Variants in TJP2 observed in about 807,000 individuals in gnomAD.
TJP2 encodes the protein tight junction protein 2, also known as Friedreich ataxia region gene X104 (tight junction protein ZO-2).
TJP2 carries 91 observed loss-of-function variants against 133.1 expected under a neutral mutation model. The observed-to-expected ratio is 0.68, with a 90% CI of 0.58 to 0.81. The LOEUF is 0.81. Among genes scored for constraint, TJP2 ranks in the 40% least tolerant of loss-of-function variants. The pLI is 0.00. For synonymous variants in TJP2, 592 were observed against 583.4 expected, an observed-to-expected ratio of 1.01 and a Z score of -0.21; for missense variants, 1,541 against 1,565.6, an observed-to-expected ratio of 0.98 and a Z score of 0.26.
chr9:69,226,030 G>T lies in TJP2; in HGVS notation c.1065G>T (p.Gly355=). Residue 355 remains glycine (G), a synonymous_variant, in exon 7 of 23, where the codon GGG becomes GGT. Coordinates refer to ENST00000377245, the MANE Select transcript of TJP2 (RefSeq NM_004817.4). The stretch of plus-strand genomic sequence containing the variant: ...ATTTTTTATAAACACAGATCAATGG[G>T]ACTGTAACTGAGAACATGTCTTTAA... ...HEGDIILKIN[G]TVTENMSLTD... 6.2e-7 allele frequency: 1 copy of T among 1,614,070 alleles called. No individual in the cohort carries two copies. Among genetic ancestry groups the T allele is most frequent in the Non-Finnish European group, 8.5e-7 (1 of 1,179,980 alleles).
chr9:69,185,094 C>T (rs1329686745), intron 1 of TJP2, among the ~76,000 whole-genome samples: 1 of 135,892 alleles, frequency 7.4e-6, no homozygotes, highest in Non-Finnish European at 1.5e-5. Context: ...CAGAGTCTTG[C>T]TGTGTTGCCC....
At chr9:69,121,615 G>T (rs115540955) in exon 1 of TJP2, 4,350 of 153,034 alleles carry the variant, frequency 0.028, 155 homozygotes, top group African/African-American at 0.085. Flanking sequence ...AGCGCAGGGG[G>T]ACACCAGCCC....
At chr9:69,235,931 G>A in intron 12 of TJP2, 97 bp from the exon 13 acceptor site, 1 of 1,154,348 alleles carries the variant, frequency 8.7e-7, no homozygotes, top group Non-Finnish European at 1.3e-6. Context: ...TGGAAGGAAG[G>A]TAAAGGGGAG....
chr9:69,237,790 G>A, intron 14 of TJP2, 88 bp from the exon 15 acceptor site: 1 of 947,724 alleles, frequency 1.1e-6, no homozygotes, highest in Non-Finnish European at 1.7e-6. Flanking sequence ...GTTTAGTTAT[G>A]TTATCAAAAG....
At chr9:69,196,261 A>C (rs1826552271) in intron 1 of TJP2, among the ~76,000 whole-genome samples, 1 of 152,196 alleles carries the variant, frequency 6.6e-6, no homozygotes, top group Non-Finnish European at 1.5e-5. Flanking sequence ...CCTGAGTTAG[A>C]ATCTGTCCTC....
chr9:69,196,976 CAT>C lies in TJP2; in HGVS notation c.61-15571_61-15570del, dbSNP rs1259826439. Among the ~76,000 whole-genome samples the C allele has an allele frequency of 2.0e-3, 293 of 148,784 alleles. 3 individuals are homozygous for C. The highest frequency in any genetic ancestry group is 6.4e-3 in the African/African-American group (258 of 40,336). On this transcript the variant is annotated intron_variant, in intron 1 of 22. Transcript: ENST00000377245. Reference sequence around the variant, plus strand: ...ACACACACACACACACACACACACACATGTTTTCTGGAGGCAGAGTCTCACTC... The same window carrying C: ...ACACACACACACACACACACACACACGTTTTCTGGAGGCAGAGTCTCACTC...
intron 1 of TJP2, among the ~76,000 whole-genome samples, chr9:69,179,155 T>C (rs1281404639): frequency 6.6e-6 from 1 of 152,218 alleles, no homozygotes; most frequent in Non-Finnish European, 1.5e-5. Flanking sequence ...GTAGACTCTC[T>C]AGTGATGTGT....
intron 2 of TJP2, among the ~76,000 whole-genome samples, chr9:69,163,057 G>A (rs1435414447): frequency 2.6e-5 from 1 of 37,936 alleles, no homozygotes; most frequent in Non-Finnish European, 4.8e-5. Context: ...ACGGAGTCTC[G>A]CTCTGTCGCC....
At chr9:69,224,075 T>G (rs1829128179) in intron 5 of TJP2, among the ~76,000 whole-genome samples, 1 of 152,246 alleles carries the variant, frequency 6.6e-6, no homozygotes, top group Admixed American at 6.5e-5. Context: ...AGAAGAGTCT[T>G]AAGTAGCATT....
intron 1 of TJP2, among the ~76,000 whole-genome samples, chr9:69,186,734 G>C (rs1825883278): frequency 6.6e-6 from 1 of 152,198 alleles, no homozygotes; most frequent in Admixed American, 6.5e-5. Flanking sequence ...AAATATTTCA[G>C]CTAGTAGTGT....
At chr9:69,193,525 A>AC (rs1230526769) in intron 1 of TJP2, among the ~76,000 whole-genome samples, 2 of 148,702 alleles carry the variant, frequency 1.3e-5, no homozygotes, top group Admixed American at 6.7e-5. Context: ...TAAAAAAAAA[A>AC]ACGTCAGCCC....
chr9:69,150,584 C>T (rs1478805754), intron 1 of TJP2, among the ~76,000 whole-genome samples: 1 of 152,198 alleles, frequency 6.6e-6, no homozygotes, highest in African/African-American at 2.4e-5. Flanking sequence ...AGGCGTGAGC[C>T]ACCATGCCCA....
At chr9:69,201,636 G>A (rs1381717118) in intron 1 of TJP2, among the ~76,000 whole-genome samples, 1 of 152,164 alleles carries the variant, frequency 6.6e-6, no homozygotes, top group Non-Finnish European at 1.5e-5. Context: ...TAAAGAATTA[G>A]TGATGGCATA....
chr9:69,138,557 A>G (rs1377411980), intron 1 of TJP2, among the ~76,000 whole-genome samples: 1 of 151,806 alleles, frequency 6.6e-6, no homozygotes, highest in Non-Finnish European at 1.5e-5. Flanking sequence ...ACTTGAGGTC[A>G]GGAGTTCGAG....
chr9:69,232,578 T>C (rs1027047726), intron 11 of TJP2, among the ~76,000 whole-genome samples: 1 of 152,220 alleles, frequency 6.6e-6, no homozygotes, highest in Non-Finnish European at 1.5e-5. Flanking sequence ...CTTTATTCTG[T>C]TGTGGGGTTT....
chr9:69,209,544 G>C (rs1827701674), intron 1 of TJP2, among the ~76,000 whole-genome samples: 1 of 151,828 alleles, frequency 6.6e-6, no homozygotes. Context: ...ATCTAAGGTT[G>C]GGAGTTTGAG....
At chr9:69,138,312 A>G (rs1316236792) in intron 1 of TJP2, among the ~76,000 whole-genome samples, 1 of 152,150 alleles carries the variant, frequency 6.6e-6, no homozygotes, top group Non-Finnish European at 1.5e-5. Context: ...CGTATCAGAC[A>G]TTGGCTTATC....
chr9:69,230,348 G>A (rs548423577), intron 11 of TJP2, 116 bp downstream of exon 11: 762 of 1,313,130 alleles, frequency 5.8e-4, no homozygotes, highest in Non-Finnish European at 7.7e-4. Flanking sequence ...GCAGCTGCAA[G>A]TTTGTTGATG....
chr9:69,209,763 A>C (rs894982124), intron 1 of TJP2, among the ~76,000 whole-genome samples: 4 of 151,704 alleles, frequency 2.6e-5, no homozygotes, highest in Non-Finnish European at 4.4e-5. Context: ...AAAAAAAAAA[A>C]CAAAAAAACT....
Sources: gnomAD v4.1 joint callset for allele counts (sites outside exome capture counted in the v4.1 genomes callset) on GRCh38, gnomAD v4.1.1 for gene constraint, MANE v1.5 for transcripts, NCBI Gene and HGNC (gene_info 2026-07-23, HGNC 2026-07-21) for gene names.